The following TOPAZ1 variants were observed in gnomAD, a reference collection of about 807,000 sequenced individuals.
TOPAZ1 encodes the protein testis and ovary specific TOPAZ 1.
In TOPAZ1, 66 loss-of-function variants were observed where a neutral mutation model predicts 172.2. The observed-to-expected ratio is 0.38, with a 90% CI of 0.31 to 0.47. The LOEUF (loss-of-function observed/expected upper bound fraction) is 0.47. TOPAZ1 is among the 20% of genes least tolerant of loss of function. TOPAZ1 has a pLI of 0.99. For synonymous variants in TOPAZ1, 681 were observed against 683.9 expected, an observed-to-expected ratio of 1.00 and a Z score of 0.07; for missense variants, 1,822 against 1,972.4, an observed-to-expected ratio of 0.92 and a Z score of 1.44.
intron 8 of TOPAZ1, among the ~76,000 whole-genome samples, chr3:44,275,143 G>T (rs1353430714): frequency 6.6e-6 from 1 of 151,868 alleles, no homozygotes; most frequent in Non-Finnish European, 1.5e-5. Flanking sequence ...AGATCATAAT[G>T]ATCAATCAAG....
chr3:44,242,048 G>A lies in TOPAZ1; in HGVS notation c.-6G>A. 1 of 1,542,402 alleles carries A rather than the reference G, an allele frequency of 6.5e-7. No homozygotes were observed. The highest frequency in any genetic ancestry group is 8.7e-7 in the Non-Finnish European group (1 of 1,145,950). ...GAGGGGCCCCAGCGGGCCGGCCCCG[G>A]GGCACATGCGACGACCTCCACCCCT... On this transcript the variant is annotated 5_prime_UTR_variant, in exon 1 of 20. Coordinates refer to ENST00000309765, the MANE Select transcript of TOPAZ1 (RefSeq NM_001145030.2).
Position 44,242,357 on chromosome 3 carries a change from G to T in TOPAZ1, c.304G>T (p.Ala102Ser). Residue 102 changes from alanine to serine, a missense_variant, in exon 1 of 20, where the codon GCA (alanine) becomes TCA (serine). This residue lies in a region of TOPAZ1 where 1,489 missense variants were observed against 1,490.8 expected (regional missense o/e 1.00). Transcript: ENST00000309765. ...CTCGTCAGACCCGCGAGGCCTAGAA[G>T]CAGCAAAGGAGGCTGAACTCCCCTT... ...SDSSDPRGLE[A>S]AKEAELPLQT... is the part of the protein sequence containing the mutation. 2 of 1,552,350 alleles carry T rather than the reference G, an allele frequency of 1.3e-6. No individual in the cohort carries two copies. The highest frequency in any genetic ancestry group is 1.7e-6 in the Non-Finnish European group (2 of 1,147,144).
In TOPAZ1 at chr3:44,269,471, C is replaced by CTTTTTTTTTTTTTTTTTTTTTTTTTTT. The variant is rs71085612; in HGVS notation, c.3246+175_3246+201dup. ...CCTTTTGATTGTATTTCCCTATCAT[C>CTTTTTTTTTTTTTTTTTTTTTTTTTTT]TTTTTTTTTTTTTTTTTTTTTTTTT... On this transcript the variant is annotated intron_variant, in intron 7 of 19. Transcript: ENST00000309765. 1.4e-3 allele frequency among the ~76,000 whole-genome samples: 47 copies of CTTTTTTTTTTTTTTTTTTTTTTTTTTT among 33,934 alleles called. 6 individuals carry two copies. The highest frequency in any genetic ancestry group is 1.5e-3 in the Non-Finnish European group (32 of 20,942). The allele number at this position is 33,934 out of a possible 152,430, so 22.3% of individuals were successfully genotyped here.
At chr3:44,263,799 A>C (rs1699800454) in intron 5 of TOPAZ1, among the ~76,000 whole-genome samples, 1 of 152,184 alleles carries the variant, frequency 6.6e-6, no homozygotes, top group South Asian at 2.1e-4. Flanking sequence ...TGTATTTACT[A>C]ATCAGCTCTG....
intron 1 of TOPAZ1, 123 bp downstream of exon 1, chr3:44,242,522 G>C: frequency 1.8e-6 from 2 of 1,081,936 alleles, no homozygotes; most frequent in Non-Finnish European, 2.7e-6. Flanking sequence ...AGTTGACCAG[G>C]AGATGGGAAA....
At chr3:44,328,519 T>A in intron 19 of TOPAZ1, 86 bp downstream of exon 19, 1 of 665,322 alleles carries the variant, frequency 1.5e-6, no homozygotes, top group Non-Finnish European at 2.4e-6. Flanking sequence ...TTATGTGTTT[T>A]TATACATACA....
At chr3:44,284,781 T>G (rs945508877) in intron 9 of TOPAZ1, among the ~76,000 whole-genome samples, 1 of 152,234 alleles carries the variant, frequency 6.6e-6, no homozygotes, top group Non-Finnish European at 1.5e-5. Context: ...GTATAGCAAT[T>G]AGCAATTCAG....
intron 2 of TOPAZ1, 98 bp downstream of exon 2, chr3:44,245,369 A>G (rs1699551778): frequency 8.0e-7 from 1 of 1,250,760 alleles, no homozygotes; most frequent in South Asian, 2.0e-5. Flanking sequence ...TTGAAGCTCC[A>G]TTATTTTTTA....
chr3:44,305,832 T>C (rs1464530029), intron 14 of TOPAZ1, among the ~76,000 whole-genome samples: 2 of 152,232 alleles, frequency 1.3e-5, no homozygotes, highest in Non-Finnish European at 2.9e-5. Context: ...TAGATTATGG[T>C]AAAAGGTCAA....
At chr3:44,306,273 C>T (rs1430279057) in intron 14 of TOPAZ1, 53 bp from the exon 15 acceptor site, 2 of 1,192,882 alleles carry the variant, frequency 1.7e-6, no homozygotes, top group Admixed American at 2.0e-5. Context: ...TTGCCTCTTC[C>T]ATCATTTTAA....
At position 44,295,487 on chromosome 3, in the gene TOPAZ1, A is replaced by T. The variant is rs976111592; in HGVS notation, c.3797+4601A>T. 2.0e-5 allele frequency among the ~76,000 whole-genome samples: 3 copies of T among 152,186 alleles called. No homozygotes were observed. The East Asian group carries it at 5.8e-4, about 29-fold the overall frequency. On this transcript the variant is annotated intron_variant, in intron 12 of 19. Coordinates refer to ENST00000309765, the MANE Select transcript of TOPAZ1 (RefSeq NM_001145030.2). ...TTGGCAGAATATATATAAAAGTATA[A>T]CTATATGCCCCTGACAAGAAATTAA...
At chr3:44,242,814 T>A (rs1394847272) in intron 1 of TOPAZ1, 39 bp from the exon 2 acceptor site, 1 of 1,415,632 alleles carries the variant, frequency 7.1e-7, no homozygotes, top group South Asian at 1.6e-5. Context: ...TCCTCCTCAA[T>A]ATAAAATCTT....
intron 14 of TOPAZ1, 40 bp downstream of exon 14, chr3:44,305,361 T>C: frequency 6.9e-7 from 1 of 1,453,730 alleles, no homozygotes; most frequent in Admixed American, 3.0e-5. Flanking sequence ...TGTATGAGGA[T>C]GGTGCAGTTT....
At chr3:44,269,654 C>G (rs544108528) in intron 7 of TOPAZ1, among the ~76,000 whole-genome samples, 1 of 151,146 alleles carries the variant, frequency 6.6e-6, no homozygotes, top group South Asian at 2.1e-4. Context: ...GAGTCTTGCT[C>G]TTGTCGTCTA....
intron 19 of TOPAZ1, among the ~76,000 whole-genome samples, chr3:44,330,297 C>A (rs1170822965): frequency 1.3e-5 from 2 of 152,162 alleles, no homozygotes; most frequent in Non-Finnish European, 2.9e-5. Context: ...CTATTCCCCA[C>A]ACACATGCAA....
chr3:44,244,007 A>G lies in TOPAZ1; in HGVS notation c.1501A>G (p.Arg501Gly). The change falls in exon 2 of 20, where the codon AGA (arginine) becomes GGA (glycine). Residue 501 changes from arginine to glycine, a missense_variant. Coordinates refer to ENST00000309765, the MANE Select transcript of TOPAZ1 (RefSeq NM_001145030.2). Reference protein sequence around the residue: ...KRTWPYYSCARISAWCWKKAS... With the variant: ...KRTWPYYSCAGISAWCWKKAS... ...AACTTGGCCCTATTATTCATGTGCT[A>G]GAATATCTGCCTGGTGTTGGAAAAA... is the stretch of plus-strand genomic sequence containing the variant. The G allele has an allele frequency of 6.4e-7, 1 of 1,552,212 alleles. No homozygotes were observed. The highest frequency in any genetic ancestry group is 8.7e-7 in the Non-Finnish European group (1 of 1,147,092).
chr3:44,244,179 A>T lies in TOPAZ1; in HGVS notation c.1673A>T (p.Glu558Val). The change falls in exon 2 of 20, where the codon GAA (glutamate) becomes GTA (valine). Residue 558 changes from glutamate to valine, a missense_variant. By Grantham distance (121) the Glu-to-Val change is moderately radical. Coordinates refer to ENST00000309765, the MANE Select transcript of TOPAZ1 (RefSeq NM_001145030.2). Reference sequence around the variant, plus strand: ...AGTTCCTTAACAGAAACAAACACTGAATCTTCAAGTAAAGAAAAATTAGAT... The same window carrying T: ...AGTTCCTTAACAGAAACAAACACTGTATCTTCAAGTAAAGAAAAATTAGAT... The part of the protein sequence containing the change: ...LQSSLTETNT[E>V]SSSKEKLDSN... 1.9e-6 allele frequency: 3 copies of T among 1,550,634 alleles called. No individual in the cohort carries two copies. The highest frequency in any genetic ancestry group is 2.6e-6 in the Non-Finnish European group (3 of 1,146,532).
In TOPAZ1 at chr3:44,244,201, A is replaced by G. The variant is rs1172771966; in HGVS notation, c.1695A>G (p.Leu565=). 5 of 1,550,118 alleles carry G rather than the reference A, an allele frequency of 3.2e-6. No homozygotes were observed. Among genetic ancestry groups the G allele is most frequent in the African/African-American group, 2.7e-5 (2 of 72,978 alleles). Residue 565 remains leucine (L), a synonymous_variant, in exon 2 of 20, where the codon TTA becomes TTG. Coordinates refer to ENST00000309765, the MANE Select transcript of TOPAZ1 (RefSeq NM_001145030.2). ...TNTESSSKEK[L]DSNSNCLSSV... ...CTGAATCTTCAAGTAAAGAAAAATT[A>G]GATTCTAATTCTAATTGTTTGTCTT...
chr3:44,289,574 C>G (rs1229605348), intron 11 of TOPAZ1, among the ~76,000 whole-genome samples: 1 of 152,078 alleles, frequency 6.6e-6, no homozygotes, highest in African/African-American at 2.4e-5. Context: ...GGGCCGAGTA[C>G]CACTAAATTT....
Sources: allele counts gnomAD v4.1 joint callset (sites outside exome capture counted in the v4.1 genomes callset), GRCh38; gene constraint gnomAD v4.1.1; regional missense constraint gnomAD v4.1.1; transcripts MANE v1.5; gene names NCBI Gene and HGNC (gene_info 2026-07-23, HGNC 2026-07-21).